Variants in IL20RA observed in about 807,000 individuals in gnomAD.
The protein encoded by IL20RA is interleukin 20 receptor subunit alpha.
In IL20RA, 29 loss-of-function variants were observed where a neutral mutation model predicts 36.5. That is an observed-to-expected ratio of 0.79 (90% confidence interval 0.59 to 1.08). The LOEUF is 1.08. Ranked by LOEUF, IL20RA falls within the 50% of genes least tolerant of loss-of-function variation. The pLI is 0.00. For missense variants in IL20RA, 652 were observed against 668.4 expected (o/e 0.98, Z 0.27); for synonymous variants, 279 against 267.1 (o/e 1.04, Z -0.43).
intron 1 of IL20RA, among the ~76,000 whole-genome samples, chr6:137,019,397 G>T (rs981652497): frequency 2.0e-5 from 3 of 152,044 alleles, no homozygotes; most frequent in Admixed American, 2.0e-4. Context: ...CCAAAGTGCT[G>T]GGATTACAGG....
In IL20RA at chr6:137,043,031, A is replaced by C. The variant is rs577339444; in HGVS notation, c.88+1610T>G. On this transcript the variant is annotated intron_variant, in intron 1 of 6. Coordinates refer to ENST00000316649, the MANE Select transcript of IL20RA (RefSeq NM_014432.4). ...GATTTCTTACTGTTTTGTTTTGTAAATTTTATTTTGAAGTCAAGAACATTA... is the reference window on the plus strand; with the variant it reads ...GATTTCTTACTGTTTTGTTTTGTAACTTTTATTTTGAAGTCAAGAACATTA... 9.9e-5 allele frequency: 15 copies of C among 152,258 alleles called. No homozygotes were observed. The East Asian group carries it at 2.7e-3, about 27-fold the overall frequency. The allele number at this position is 152,258 out of a possible 1,614,324, so 9.4% of individuals were successfully genotyped here. A position where few individuals can be genotyped will look rare whatever the true frequency, so the allele number is the denominator to read the frequency against.
intron 6 of IL20RA, among the ~76,000 whole-genome samples, chr6:137,004,159 CTTTTTTTTT>C (rs140038413): frequency 1.1e-5 from 1 of 88,016 alleles, no homozygotes; most frequent in African/African-American, 5.6e-5. Flanking sequence ...ATCCAGAAAG[CTTTTTTTTT>C]TTTTTTTTTT....
At chr6:137,042,402 T>C (rs1366560178) in intron 1 of IL20RA, among the ~76,000 whole-genome samples, 1 of 152,216 alleles carries the variant, frequency 6.6e-6, no homozygotes, top group Non-Finnish European at 1.5e-5. Context: ...TCCCATTCTA[T>C]CTTAGTGACT....
intron 1 of IL20RA, among the ~76,000 whole-genome samples, chr6:137,041,430 G>A (rs1167429353): frequency 6.6e-6 from 1 of 152,102 alleles, no homozygotes; most frequent in Admixed American, 6.6e-5. Flanking sequence ...GAGGGATATG[G>A]GAATTCTTTG....
At chr6:137,026,314 A>G (rs900978109) in intron 1 of IL20RA, among the ~76,000 whole-genome samples, 5 of 152,224 alleles carry the variant, frequency 3.3e-5, no homozygotes, top group African/African-American at 1.2e-4. Context: ...ACTGACCAGG[A>G]ACTCTTCGGG....
chr6:137,005,652 G>A (rs914639156), intron 5 of IL20RA, among the ~76,000 whole-genome samples: 1 of 151,980 alleles, frequency 6.6e-6, no homozygotes. Context: ...GGTTTTTGTT[G>A]TTGTTGTTGT....
At chr6:137,024,579 A>T (rs1287750507) in intron 1 of IL20RA, among the ~76,000 whole-genome samples, 1 of 152,240 alleles carries the variant, frequency 6.6e-6, no homozygotes. Context: ...TCAGATGGGC[A>T]GGTCCAATGT....
intron 2 of IL20RA, among the ~76,000 whole-genome samples, chr6:137,013,959 A>G (rs919038714): frequency 1.3e-5 from 2 of 152,248 alleles, no homozygotes; most frequent in Non-Finnish European, 2.9e-5. Context: ...CACACGAAGC[A>G]GTGATGACTC....
At chr6:137,024,364 C>T (rs1402451875) in intron 1 of IL20RA, among the ~76,000 whole-genome samples, 1 of 152,110 alleles carries the variant, frequency 6.6e-6, no homozygotes, top group Non-Finnish European at 1.5e-5. Context: ...CATGTCACAC[C>T]CACATTGCTA....
In IL20RA at chr6:137,004,719, C is replaced by T; in HGVS notation, c.766G>A (p.Val256Ile). 6.2e-7 allele frequency: 1 copy of T among 1,600,010 alleles called. No homozygotes were observed. The change falls in exon 6 of 7, where the codon GTT becomes ATT. Residue 256 changes from valine to isoleucine, a missense_variant. Physicochemically the swap from Val to Ile is conservative, Grantham distance 29 (BLOSUM62 3). Coordinates refer to ENST00000316649, the MANE Select transcript of IL20RA (RefSeq NM_014432.4). ...EFKAKIIFWY[V>I]LPVSITVFLF... The stretch of plus-strand genomic sequence containing the variant: ...AACACGGTAATAGATACGGGCAAAA[C>T]ATACCAGAAGATGATTTTAGCCTTG...
intron 1 of IL20RA, among the ~76,000 whole-genome samples, chr6:137,042,375 C>T (rs562674842): frequency 1.1e-4 from 17 of 152,264 alleles, no homozygotes; most frequent in African/African-American, 3.6e-4. Flanking sequence ...AGGCAGATGA[C>T]CTGAGAAGTC....
In IL20RA at chr6:137,043,383, A is replaced by G. The variant is rs184882651; in HGVS notation, c.88+1258T>C. On this transcript the variant is annotated intron_variant, in intron 1 of 6. Transcript: ENST00000316649. ...CTGTCTCTCAAAGTGTTAGGATTAC[A>G]GGTGTGAGCCACAGCGCCCAGCTTC... Among the ~76,000 whole-genome samples, 861 of 152,308 alleles carry G rather than the reference A, an allele frequency of 5.7e-3. 13 individuals are homozygous for G. The highest frequency in any genetic ancestry group is 0.039 in the Admixed American group (602 of 15,288).
chr6:137,009,376 G>T lies in IL20RA; in HGVS notation c.520C>A (p.Gln174Lys). ...NPEDLPVSMQ[Q>K]IYSNLKYNVS... ...TTATACTTCAGATTGGAGTATATTT[G>T]TTGCATGGAAACAGGAAGGTCTTCT... The change falls in exon 4 of 7, where the codon CAA becomes AAA. Residue 174 changes from glutamine to lysine, a missense_variant. Physicochemically the swap from Gln to Lys is moderately conservative, Grantham distance 53. Transcript: ENST00000316649. 1 of 1,613,244 alleles carries T rather than the reference G, an allele frequency of 6.2e-7. No homozygotes were observed. The highest frequency in any genetic ancestry group is 8.5e-7 in the Non-Finnish European group (1 of 1,179,270).
chr6:137,025,885 G>C (rs1250892808), intron 1 of IL20RA, among the ~76,000 whole-genome samples: 2 of 152,222 alleles, frequency 1.3e-5, no homozygotes, highest in Non-Finnish European at 2.9e-5. Flanking sequence ...ATGAACACCA[G>C]TTAAAAGGGT....
Position 137,001,777 on chromosome 6 carries a change from G to A in IL20RA, c.1443C>T (p.Asp481=). 1 of 1,612,528 alleles carries A rather than the reference G, an allele frequency of 6.2e-7. No homozygotes were observed. The highest frequency in any genetic ancestry group is 1.3e-5 in the African/African-American group (1 of 75,016). Residue 481 remains aspartate (D), a synonymous_variant, in exon 7 of 7, where the codon GAC becomes GAT. Coordinates refer to ENST00000316649, the MANE Select transcript of IL20RA (RefSeq NM_014432.4). The stretch of plus-strand genomic sequence containing the variant: ...ACAGCCTGCCAGTTTGGGGATCCCA[G>A]TCGACCAGGGTCGTCGATGGCTCTT... ...PEEEPSTTLV[D]WDPQTGRLCI... is the part of the protein sequence containing the mutation.
chr6:137,011,167 G>T, intron 3 of IL20RA, 107 bp downstream of exon 3: 1 of 897,506 alleles, frequency 1.1e-6, no homozygotes, highest in Non-Finnish European at 1.7e-6. Context: ...CCAGAATACA[G>T]CCAAGCAGAG....
chr6:137,008,291 G>T (rs1310298768), intron 5 of IL20RA, among the ~76,000 whole-genome samples: 1 of 152,204 alleles, frequency 6.6e-6, no homozygotes, highest in South Asian at 2.1e-4. Flanking sequence ...GAAGAAAAAA[G>T]GCATGTGTAA....
At chr6:137,007,692 C>A (rs1164870833) in intron 5 of IL20RA, among the ~76,000 whole-genome samples, 2 of 151,952 alleles carry the variant, frequency 1.3e-5, no homozygotes, top group East Asian at 1.9e-4. Flanking sequence ...TCCTTGGCAG[C>A]CCAGTGTAGA....
At chr6:137,009,869 G>A (rs1223212925) in intron 3 of IL20RA, among the ~76,000 whole-genome samples, 1 of 152,122 alleles carries the variant, frequency 6.6e-6, no homozygotes, top group African/African-American at 2.4e-5. Flanking sequence ...CTCCCAAAGT[G>A]TTGGGATTAC....
Sources: allele counts gnomAD v4.1 joint callset (sites outside exome capture counted in the v4.1 genomes callset), GRCh38; gene constraint gnomAD v4.1.1; transcripts MANE v1.5; gene names NCBI Gene and HGNC (gene_info 2026-07-23, HGNC 2026-07-21).